The following TGFBRAP1 variants were observed in gnomAD, a reference collection of about 807,000 sequenced individuals.
The protein encoded by TGFBRAP1 is transforming growth factor-beta receptor-associated protein 1.
In TGFBRAP1, 20 loss-of-function variants were observed where a neutral mutation model predicts 83.2. That is an observed-to-expected ratio of 0.24 (90% CI 0.17 to 0.35). The LOEUF is 0.35. Ranked by LOEUF, TGFBRAP1 falls within the 10% of genes least tolerant of loss-of-function variation. The pLI is 1.00. For missense variants in TGFBRAP1, 950 were observed against 1,099.4 expected (o/e 0.86, Z 1.92); for synonymous variants, 415 against 459.8 (o/e 0.90, Z 1.25).
chr2:105,288,232 C>A (rs1045897712), intron 4 of TGFBRAP1, among the ~76,000 whole-genome samples: 1 of 152,036 alleles, frequency 6.6e-6, no homozygotes, highest in Non-Finnish European at 1.5e-5. Flanking sequence ...CCATGTAAAC[C>A]CTGGAGCTGA....
Position 105,267,071 on chromosome 2 carries a change from C to CTT in TGFBRAP1, c.*310_*311dup. 57 of 221,814 alleles carry CTT rather than the reference C, an allele frequency of 2.6e-4. No homozygotes were observed. Among genetic ancestry groups the CTT allele is most frequent in the East Asian group, 7.8e-4 (9 of 11,562 alleles). The allele number at this position is 221,814 out of a possible 1,614,324, so 13.7% of individuals were successfully genotyped here. On this transcript the variant is annotated 3_prime_UTR_variant, in exon 12 of 12. Coordinates refer to ENST00000393359, the MANE Select transcript of TGFBRAP1 (RefSeq NM_004257.6). ...GTCTGGACTGCATGAGGAAGACTCC[C>CTT]TTTTTTTTTTTTTCAAAGTAGACCT...
intron 5 of TGFBRAP1, among the ~76,000 whole-genome samples, chr2:105,282,145 C>T (rs886631440): frequency 3.9e-5 from 6 of 152,228 alleles, no homozygotes; most frequent in African/African-American, 1.4e-4. Flanking sequence ...AGCACCTGTG[C>T]TGCAGGAAAG....
intron 1 of TGFBRAP1, among the ~76,000 whole-genome samples, chr2:105,316,975 G>A (rs1173776540): frequency 6.6e-6 from 1 of 151,966 alleles, no homozygotes; most frequent in Non-Finnish European, 1.5e-5. Flanking sequence ...AACACAACTG[G>A]GTGCCCAGAA....
At chr2:105,281,569 T>C (rs1677539638) in intron 5 of TGFBRAP1, among the ~76,000 whole-genome samples, 1 of 152,192 alleles carries the variant, frequency 6.6e-6, no homozygotes, top group Non-Finnish European at 1.5e-5. Context: ...TTCCTTCCAC[T>C]TCACTCAGCC....
intron 1 of TGFBRAP1, among the ~76,000 whole-genome samples, chr2:105,315,347 A>G (rs1285428950): frequency 1.3e-5 from 2 of 152,164 alleles, no homozygotes; most frequent in Admixed American, 6.5e-5. Context: ...GAAAATGAAG[A>G]ACAAAACTGA....
chr2:105,307,504 C>T (rs925851913), intron 2 of TGFBRAP1, 110 bp downstream of exon 2: 51 of 1,181,630 alleles, frequency 4.3e-5, no homozygotes, highest in Admixed American at 2.4e-4. Context: ...CACACACGCC[C>T]AATGTCACTG....
intron 1 of TGFBRAP1, among the ~76,000 whole-genome samples, chr2:105,329,361 A>ATTC (rs1679304206): frequency 6.6e-6 from 1 of 151,724 alleles, no homozygotes. Flanking sequence ...GTGAACACTT[A>ATTC]TTTGCTCACC....
At chr2:105,251,344 A>C in the TGFBRAP1 span, among the ~76,000 whole-genome samples, 15 of 96,804 alleles carry the variant, frequency 1.5e-4, no homozygotes, top group Non-Finnish European at 2.3e-4. Context: ...CCGGCCGCCC[A>C]TCGTCTGAGA....
intron 1 of TGFBRAP1, among the ~76,000 whole-genome samples, chr2:105,313,743 A>C (rs1678764141): frequency 6.6e-6 from 1 of 152,166 alleles, no homozygotes; most frequent in African/African-American, 2.4e-5. Context: ...GTTGGGATGC[A>C]GTATTGGTTT....
intron 2 of TGFBRAP1, among the ~76,000 whole-genome samples, chr2:105,299,532 G>C (rs1219490678): frequency 6.6e-6 from 1 of 152,016 alleles, no homozygotes; most frequent in Non-Finnish European, 1.5e-5. Flanking sequence ...GCATTTACCT[G>C]CTTAAGGCTG....
chr2:105,261,177 G>A (rs927194143), downstream of TGFBRAP1, among the ~76,000 whole-genome samples: 1 of 152,194 alleles, frequency 6.6e-6, no homozygotes. Context: ...AGGGAGGGTA[G>A]GCCAACTGAC....
chr2:105,300,434 C>CTTTT (rs769660664), intron 2 of TGFBRAP1, among the ~76,000 whole-genome samples: 10 of 119,012 alleles, frequency 8.4e-5, no homozygotes, highest in Non-Finnish European at 1.0e-4. Context: ...GGAGTAAAAT[C>CTTTT]TTTTTTTTTT....
At chr2:105,260,161 T>G (rs1489028723), downstream of TGFBRAP1, among the ~76,000 whole-genome samples, 1 of 152,094 alleles carries the variant, frequency 6.6e-6, no homozygotes, top group Non-Finnish European at 1.5e-5. Flanking sequence ...GTAATCCCAG[T>G]ACTTTGGGAG....
rs1341575429 is a variant in TGFBRAP1, at chr2:105,266,535, T to A, written c.*848A>T. ...TAGTTCAACGTGTTCGTCATGGAGT[T>A]TCAAATCAGCAGATGCCATGACAGG... On this transcript the variant is annotated 3_prime_UTR_variant, in exon 12 of 12. Coordinates refer to ENST00000393359, the MANE Select transcript of TGFBRAP1 (RefSeq NM_004257.6). 1 of 152,180 alleles carries A rather than the reference T, an allele frequency of 6.6e-6. No individual in the cohort carries two copies. 9.4% of individuals were successfully genotyped at this position (152,180 alleles called of 1,614,324 possible).
intron 2 of TGFBRAP1, among the ~76,000 whole-genome samples, chr2:105,306,421 A>C (rs957046900): frequency 4.6e-5 from 7 of 152,134 alleles, no homozygotes; most frequent in Non-Finnish European, 1.5e-5. Flanking sequence ...GAGTGGGTAG[A>C]TAGCTAGCTA....
chr2:105,270,424 C>T (rs1677114172), intron 10 of TGFBRAP1, among the ~76,000 whole-genome samples: 1 of 152,192 alleles, frequency 6.6e-6, no homozygotes, highest in East Asian at 1.9e-4. Context: ...TAACTTCCCA[C>T]CCAGCCCGTC....
chr2:105,281,839 T>C (rs1677548202), intron 5 of TGFBRAP1, among the ~76,000 whole-genome samples: 1 of 152,012 alleles, frequency 6.6e-6, no homozygotes, highest in South Asian at 2.1e-4. Flanking sequence ...CTGGGGAACA[T>C]GTGGCAATGC....
chr2:105,320,967 C>T (rs1679039181), intron 1 of TGFBRAP1, among the ~76,000 whole-genome samples: 1 of 152,190 alleles, frequency 6.6e-6, no homozygotes, highest in Admixed American at 6.6e-5. Flanking sequence ...TGTCGCTAGT[C>T]CATATGAAAA....
chr2:105,328,063 C>A (rs1255442139), intron 1 of TGFBRAP1, among the ~76,000 whole-genome samples: 3 of 152,226 alleles, frequency 2.0e-5, no homozygotes, highest in African/African-American at 7.2e-5. Flanking sequence ...TGAGCACCTA[C>A]TAAATGCCAG....
Sources: gnomAD v4.1 joint callset for allele counts (sites outside exome capture counted in the v4.1 genomes callset) on GRCh38, gnomAD v4.1.1 for gene constraint, MANE v1.5 for transcripts, NCBI Gene and HGNC (gene_info 2026-07-23, HGNC 2026-07-21) for gene names.